Variants in SLC22A23 observed in about 807,000 individuals in gnomAD.
SLC22A23 encodes ion transporter protein.
Under a neutral mutation model 61.0 loss-of-function variants are expected in SLC22A23, and 26 were observed. The observed-to-expected ratio is 0.43, with a 90% CI of 0.31 to 0.59. SLC22A23 has a LOEUF of 0.59. Among genes scored for constraint, SLC22A23 ranks in the 20% least tolerant of loss-of-function variants. The pLI is 0.11. For synonymous variants in SLC22A23, 430 were observed against 413.9 expected (o/e 1.04, Z -0.47); for missense variants, 796 against 934.7 (o/e 0.85, Z 1.94).
intron 3 of SLC22A23, among the ~76,000 whole-genome samples, chr6:3,343,322 G>C (rs537838564): frequency 6.6e-6 from 1 of 152,126 alleles, no homozygotes; most frequent in South Asian, 2.1e-4. Context: ...ATTTAACAGG[G>C]AGGCCCCAAG....
At chr6:3,368,722 G>T (rs13219577) in intron 3 of SLC22A23, among the ~76,000 whole-genome samples, 51,319 of 152,018 alleles carry the variant, frequency 0.34, 8,812 homozygotes, top group Middle Eastern at 0.41. Context: ...TGAAAGGGAT[G>T]GGGGTGGGCA....
chr6:3,386,202 A>G lies in SLC22A23; in HGVS notation c.913+23986T>C, dbSNP rs1310718752. ...ATGATCTGGGTTGACATTAGCTGGGAGCATCACAGGGAAGCCAGTGTGCCC... is the reference window on the plus strand; with the variant it reads ...ATGATCTGGGTTGACATTAGCTGGGGGCATCACAGGGAAGCCAGTGTGCCC... On this transcript the variant is annotated intron_variant, in intron 3 of 9. Transcript: ENST00000406686. This position sits in a 1 kb window ranked among gnomAD's most constrained non-coding sequence, Gnocchi z 4.4. Among the ~76,000 whole-genome samples the G allele has an allele frequency of 3.9e-5, 6 of 152,120 alleles. No individual in the cohort carries two copies. Among genetic ancestry groups the G allele is most frequent in the Non-Finnish European group, 7.4e-5 (5 of 68,020 alleles).
intron 9 of SLC22A23, among the ~76,000 whole-genome samples, chr6:3,277,259 AG>A (rs1329987918): frequency 6.6e-6 from 1 of 151,746 alleles, no homozygotes; most frequent in Non-Finnish European, 1.5e-5. Context: ...AAGTTGGCAG[AG>A]GGGGCTGTGC....
chr6:3,299,432 A>G (rs192804721), intron 4 of SLC22A23, among the ~76,000 whole-genome samples: 36 of 152,320 alleles, frequency 2.4e-4, no homozygotes, highest in African/African-American at 8.7e-4. Context: ...GTTACTGCTA[A>G]CCGCCTGTCA....
chr6:3,321,188 C>A (rs1260772493), intron 4 of SLC22A23, among the ~76,000 whole-genome samples: 2 of 152,232 alleles, frequency 1.3e-5, no homozygotes, highest in East Asian at 3.9e-4. Flanking sequence ...GTCTTCAAAA[C>A]AACCCCATGA....
chr6:3,454,000 A>G (rs747618307), intron 1 of SLC22A23, among the ~76,000 whole-genome samples: 1 of 152,216 alleles, frequency 6.6e-6, no homozygotes, highest in Non-Finnish European at 1.5e-5. Context: ...AGCATTTGTT[A>G]TGTGCTTGAA....
At chr6:3,401,032 T>C (rs1346809512) in intron 3 of SLC22A23, among the ~76,000 whole-genome samples, 1 of 152,226 alleles carries the variant, frequency 6.6e-6, no homozygotes, top group Admixed American at 6.5e-5. Context: ...TATCACTAAA[T>C]TGTGCACACT....
chr6:3,422,545 A>G (rs1487222089), intron 1 of SLC22A23, among the ~76,000 whole-genome samples: 1 of 152,130 alleles, frequency 6.6e-6, no homozygotes, highest in Admixed American at 6.5e-5. Context: ...ATACTGCATG[A>G]CTTGAAAACC....
At position 3,322,913 on chromosome 6, in the gene SLC22A23, C is replaced by G. The variant is rs1763043860; in HGVS notation, c.1082+921G>C. ...CTACTTATGGGTAAGGTGAGAGTAT[C>G]AGCATGGAGAGGGATGGGAAGGAAG... On this transcript the variant is annotated intron_variant, in intron 4 of 9. Coordinates refer to ENST00000406686, the MANE Select transcript of SLC22A23 (RefSeq NM_015482.2). The surrounding 1 kb of genome is among the most constrained non-coding windows in gnomAD (Gnocchi z 4.1). 6.6e-6 allele frequency among the ~76,000 whole-genome samples: 1 copy of G among 152,068 alleles called. No individual in the cohort carries two copies. The highest frequency in any genetic ancestry group is 2.4e-5 in the African/African-American group (1 of 41,380).
At chr6:3,421,020 G>A (rs1770096782) in intron 1 of SLC22A23, among the ~76,000 whole-genome samples, 1 of 151,892 alleles carries the variant, frequency 6.6e-6, no homozygotes, top group East Asian at 1.9e-4. Flanking sequence ...AGAATTGCTT[G>A]AACCTGGAAG....
At chr6:3,283,295 G>T (rs1200009414) in intron 9 of SLC22A23, among the ~76,000 whole-genome samples, 1 of 152,162 alleles carries the variant, frequency 6.6e-6, no homozygotes, top group African/African-American at 2.4e-5. Context: ...AGCCGGGCGT[G>T]GTGGCGCACA....
At chr6:3,350,842 G>T (rs1350336219) in intron 3 of SLC22A23, among the ~76,000 whole-genome samples, 1 of 152,160 alleles carries the variant, frequency 6.6e-6, no homozygotes, top group Non-Finnish European at 1.5e-5. Flanking sequence ...TTTCTTGGTG[G>T]TAATGGGGAG....
At chr6:3,435,022 AC>A (rs1771114237) in intron 1 of SLC22A23, among the ~76,000 whole-genome samples, 1 of 152,162 alleles carries the variant, frequency 6.6e-6, no homozygotes, top group African/African-American at 2.4e-5. Flanking sequence ...CTCCATAGAA[AC>A]CTGGGCGGAG....
intron 5 of SLC22A23, among the ~76,000 whole-genome samples, chr6:3,293,032 G>T (rs1760750124): frequency 6.6e-6 from 1 of 152,214 alleles, no homozygotes; most frequent in Non-Finnish European, 1.5e-5. Flanking sequence ...TCCGAGGACA[G>T]CAGAGGACGC....
intron 3 of SLC22A23, among the ~76,000 whole-genome samples, chr6:3,379,013 T>C (rs1319263901): frequency 1.3e-5 from 2 of 152,120 alleles, no homozygotes; most frequent in South Asian, 2.1e-4. Context: ...GGGCTCTAAG[T>C]TGCAGGTCAG....
In SLC22A23 at chr6:3,272,368, G is replaced by GT; in HGVS notation, c.*686dup. 6.5e-6 allele frequency: 1 copy of GT among 152,756 alleles called. No individual in the cohort carries two copies. The highest frequency in any genetic ancestry group is 1.5e-5 in the Non-Finnish European group (1 of 68,038). The allele number at this position is 152,756 out of a possible 1,614,324, so 9.5% of individuals were successfully genotyped here. On this transcript the variant is annotated 3_prime_UTR_variant, in exon 10 of 10. Coordinates refer to ENST00000406686, the MANE Select transcript of SLC22A23 (RefSeq NM_015482.2). ...GCTCAATTAAGATTTCTGGTGAAATGTTTAAGCTTTTTCTCCAAGAGCTTC... is the reference window on the plus strand; with the variant it reads ...GCTCAATTAAGATTTCTGGTGAAATGTTTTAAGCTTTTTCTCCAAGAGCTTC...
At chr6:3,356,228 G>A (rs1016731219) in intron 3 of SLC22A23, among the ~76,000 whole-genome samples, 1 of 150,062 alleles carries the variant, frequency 6.7e-6, no homozygotes, top group Admixed American at 6.6e-5. Flanking sequence ...GTGCTCTCTC[G>A]GGAGGGCCCT....
In SLC22A23 at chr6:3,289,978, A is replaced by C. The variant is rs757131100; in HGVS notation, c.1211-112T>G. ...TTCGGGTACCACAGAAGGGAGAGAG[A>C]AGCTTTTTTTTTTTTTTTTTTTTTG... On this transcript the variant is annotated intron_variant, in intron 5 of 9. Transcript: ENST00000406686. 28 of 662,670 alleles carry C rather than the reference A, an allele frequency of 4.2e-5. 1 individual carries two copies. Among genetic ancestry groups the C allele is most frequent in the South Asian group, 3.0e-4 (18 of 60,352 alleles). 41.0% of individuals were successfully genotyped at this position (662,670 alleles called of 1,614,324 possible). A position where few individuals can be genotyped will look rare whatever the true frequency, so the allele number is the denominator to read the frequency against.
chr6:3,280,642 C>T (rs1267320023), intron 9 of SLC22A23, among the ~76,000 whole-genome samples: 3 of 151,882 alleles, frequency 2.0e-5, no homozygotes, highest in African/African-American at 7.2e-5. Context: ...ACTACAGGCG[C>T]CCGCCACCAC....
Sources: allele counts gnomAD v4.1 joint callset (sites outside exome capture counted in the v4.1 genomes callset), GRCh38; gene constraint gnomAD v4.1.1; non-coding constraint Gnocchi (gnomAD v3.1); transcripts MANE v1.5; gene names NCBI Gene and HGNC (gene_info 2026-07-23, HGNC 2026-07-21).